The following CPLX2 variants were observed in gnomAD, a reference collection of about 807,000 sequenced individuals.
The protein encoded by CPLX2 is complexin 2.
In CPLX2, 5 loss-of-function variants were observed where a neutral mutation model predicts 16.3. That is an observed-to-expected ratio of 0.31 (90% CI 0.16 to 0.64). CPLX2 has a LOEUF of 0.64. CPLX2 is among the 30% of genes least tolerant of loss of function. The probability of loss-of-function intolerance (pLI) is 0.79; values close to 1 mark genes in which losing one functional copy is unlikely to be tolerated. For synonymous variants in CPLX2, 89 were observed against 73.2 expected (o/e 1.22, Z -1.10); for missense variants, 144 against 181.4 (o/e 0.79, Z 1.18).
chr5:175,836,014 C>T (rs935752323), intron 2 of CPLX2, among the ~76,000 whole-genome samples: 12 of 152,094 alleles, frequency 7.9e-5, no homozygotes, highest in Admixed American at 2.6e-4. Context: ...GCTGGGATTA[C>T]AGGCATGAGT....
intron 2 of CPLX2, among the ~76,000 whole-genome samples, chr5:175,823,085 T>G (rs895287008): frequency 2.0e-5 from 3 of 152,280 alleles, no homozygotes; most frequent in Non-Finnish European, 4.4e-5. Flanking sequence ...TGTTGGGTGC[T>G]TCACCTGTGC....
At chr5:175,854,448 C>G (rs1472037993) in intron 2 of CPLX2, among the ~76,000 whole-genome samples, 1 of 152,314 alleles carries the variant, frequency 6.6e-6, no homozygotes, top group East Asian at 1.9e-4. Flanking sequence ...CGCAACCTTT[C>G]TGAGCCTCAG....
At chr5:175,797,784 A>G (rs1758020403) in intron 1 of CPLX2, among the ~76,000 whole-genome samples, 1 of 152,228 alleles carries the variant, frequency 6.6e-6, no homozygotes, top group Non-Finnish European at 1.5e-5. Flanking sequence ...CCCAGACAGC[A>G]GGTTGCGAAC....
intron 2 of CPLX2, among the ~76,000 whole-genome samples, chr5:175,815,361 G>A (rs763651815): frequency 4.5e-4 from 68 of 152,148 alleles, no homozygotes; most frequent in South Asian, 2.1e-4. Context: ...AAACCCGCTC[G>A]TCAGCAGGCT....
intron 2 of CPLX2, among the ~76,000 whole-genome samples, chr5:175,851,252 AC>A (rs1172847406): frequency 6.6e-6 from 1 of 152,042 alleles, no homozygotes; most frequent in African/African-American, 2.4e-5. Context: ...ACACACCAGC[AC>A]CATTCATTCA....
At chr5:175,819,675 G>C (rs1466093086) in intron 2 of CPLX2, among the ~76,000 whole-genome samples, 1 of 152,124 alleles carries the variant, frequency 6.6e-6, no homozygotes, top group East Asian at 1.9e-4. Context: ...CTGATACCAG[G>C]GGCATCTCTT....
intron 2 of CPLX2, among the ~76,000 whole-genome samples, chr5:175,852,567 G>A (rs146660408): frequency 4.2e-4 from 64 of 152,312 alleles, no homozygotes; most frequent in African/African-American, 1.4e-3. Flanking sequence ...TTAATCTTCC[G>A]AACAGCCCCG....
chr5:175,823,949 G>A (rs753305935), intron 2 of CPLX2, among the ~76,000 whole-genome samples: 30 of 152,132 alleles, frequency 2.0e-4, no homozygotes, highest in Non-Finnish European at 3.8e-4. Context: ...ATTGAAATGC[G>A]CTTTCAATAA....
intron 2 of CPLX2, among the ~76,000 whole-genome samples, chr5:175,828,616 G>A (rs1360118594): frequency 1.3e-5 from 2 of 152,122 alleles, no homozygotes; most frequent in Admixed American, 1.3e-4. Context: ...ACTATGGGCT[G>A]AACAGTGTTT....
intron 2 of CPLX2, among the ~76,000 whole-genome samples, chr5:175,824,859 G>A (rs1300055937): frequency 2.0e-5 from 3 of 152,178 alleles, no homozygotes; most frequent in Non-Finnish European, 4.4e-5. Flanking sequence ...CCAACCGACC[G>A]TGAAACTTTT....
chr5:175,811,392 G>A (rs1399261234), intron 2 of CPLX2, among the ~76,000 whole-genome samples: 1 of 152,194 alleles, frequency 6.6e-6, no homozygotes. Flanking sequence ...TTTGAGTCTG[G>A]AATCTGGGTT....
chr5:175,880,291 G>A lies in CPLX2; in HGVS notation c.*246G>A. On this transcript the variant is annotated 3_prime_UTR_variant, in exon 4 of 4. Coordinates refer to ENST00000393745, the MANE Select transcript of CPLX2 (RefSeq NM_001008220.2). ...GACAGTCTTTCCCCAGCAGGGGTCA[G>A]GGGGGCCCCTCAGGAAGCCTAAGGT... The A allele has an allele frequency of 1.8e-6, 1 of 551,772 alleles. No individual in the cohort carries two copies. Among genetic ancestry groups the A allele is most frequent in the Admixed American group, 2.8e-5 (1 of 35,318 alleles). 34.2% of individuals were successfully genotyped at this position (551,772 alleles called of 1,614,324 possible).
At chr5:175,828,362 C>G (rs745615032) in intron 2 of CPLX2, among the ~76,000 whole-genome samples, 6 of 152,134 alleles carry the variant, frequency 3.9e-5, no homozygotes, top group Non-Finnish European at 5.9e-5. Flanking sequence ...GGCATGTGCT[C>G]TCTATTACCC....
chr5:175,874,650 A>T (rs1759715740), intron 1 of CPLX2, among the ~76,000 whole-genome samples: 1 of 151,986 alleles, frequency 6.6e-6, no homozygotes, highest in East Asian at 1.9e-4. Context: ...TGATCTTTGG[A>T]CAGACAGAAT....
At chr5:175,827,720 A>C (rs1758645783) in intron 2 of CPLX2, among the ~76,000 whole-genome samples, 1 of 152,346 alleles carries the variant, frequency 6.6e-6, no homozygotes, top group South Asian at 2.1e-4. Flanking sequence ...AGATCACGCC[A>C]CTGCACTCCA....
chr5:175,815,565 ACTC>A (rs1247308078), intron 2 of CPLX2, among the ~76,000 whole-genome samples: 4 of 151,676 alleles, frequency 2.6e-5, no homozygotes, highest in Admixed American at 2.0e-4. Flanking sequence ...TCTATGTGAA[ACTC>A]CTCCTTTTTT....
At chr5:175,843,003 C>A (rs948278635) in intron 2 of CPLX2, among the ~76,000 whole-genome samples, 1 of 152,210 alleles carries the variant, frequency 6.6e-6, no homozygotes, top group Admixed American at 6.5e-5. Flanking sequence ...GCAGCCATAG[C>A]TTTAAACAGC....
At chr5:175,831,865 G>A (rs976353562) in intron 2 of CPLX2, among the ~76,000 whole-genome samples, 3 of 152,234 alleles carry the variant, frequency 2.0e-5, no homozygotes, top group African/African-American at 7.2e-5. Flanking sequence ...CGACATTTGA[G>A]TTGGGGTTTA....
chr5:175,820,962 G>A lies in CPLX2; in HGVS notation c.-89+11894G>A, dbSNP rs150399953. On this transcript the variant is annotated intron_variant, in intron 2 of 4. Transcript: ENST00000359546. ...AGCAGAGTCAGGAACTCCCAGGCCT[G>A]CTGCTGGGGATGGTGCGTCCTTCTC... Among the ~76,000 whole-genome samples, 817 of 152,296 alleles carry A rather than the reference G, an allele frequency of 5.4e-3. 11 individuals carry two copies. Among genetic ancestry groups the A allele is most frequent in the African/African-American group, 0.018 (767 of 41,560 alleles).
Sources: gnomAD v4.1 joint callset for allele counts (sites outside exome capture counted in the v4.1 genomes callset) on GRCh38, gnomAD v4.1.1 for gene constraint, MANE v1.5 for transcripts, NCBI Gene and HGNC (gene_info 2026-07-23, HGNC 2026-07-21) for gene names.